PELI2: variants seen among roughly 807,000 people sequenced by gnomAD.
The protein encoded by PELI2 is E3 ubiquitin-protein ligase pellino homolog 2.
PELI2 carries 23 observed loss-of-function variants against 42.3 expected under a neutral mutation model. The ratio of observed to expected loss-of-function variants is 0.54; its 90% CI spans 0.39 to 0.77. The LOEUF (loss-of-function observed/expected upper bound fraction) is 0.77, where lower values mean the gene tolerates loss of function less well. PELI2 is among the 30% of genes least tolerant of loss of function. The probability of loss-of-function intolerance (pLI) is 0.00; values close to 1 mark genes in which losing one functional copy is unlikely to be tolerated. For synonymous variants in PELI2, 245 were observed against 212.2 expected, an observed-to-expected ratio of 1.15 and a Z score of -1.34; for missense variants, 463 against 553.2, an observed-to-expected ratio of 0.84 and a Z score of 1.64.
intron 1 of PELI2, among the ~76,000 whole-genome samples, chr14:56,137,474 T>C (rs1883726123): frequency 6.6e-6 from 1 of 152,244 alleles, no homozygotes; most frequent in South Asian, 2.1e-4. Flanking sequence ...GACGGTACTC[T>C]GACCCTGGTT....
At chr14:56,137,841 A>G (rs1353196976) in intron 1 of PELI2, among the ~76,000 whole-genome samples, 1 of 152,226 alleles carries the variant, frequency 6.6e-6, no homozygotes, top group African/African-American at 2.4e-5. Context: ...TGCTTGGATC[A>G]TTCTCGTAGA....
At chr14:56,280,771 C>T (rs1889457874) in intron 3 of PELI2, among the ~76,000 whole-genome samples, 1 of 152,046 alleles carries the variant, frequency 6.6e-6, no homozygotes, top group Non-Finnish European at 1.5e-5. Context: ...ATTTTCACTT[C>T]TTTTTTAAAT....
chr14:56,129,049 G>A (rs1156353886), intron 1 of PELI2, among the ~76,000 whole-genome samples: 1 of 152,140 alleles, frequency 6.6e-6, no homozygotes, highest in South Asian at 2.1e-4. Context: ...CTTTGGAATT[G>A]AAGGGGTGAG....
chr14:56,170,918 G>A (rs1885142725), intron 1 of PELI2, among the ~76,000 whole-genome samples: 1 of 152,182 alleles, frequency 6.6e-6, no homozygotes, highest in African/African-American at 2.4e-5. Flanking sequence ...AAGCCTGAAA[G>A]GCTCTTATGG....
At chr14:56,131,798 A>G (rs1426037699) in intron 1 of PELI2, among the ~76,000 whole-genome samples, 1 of 152,200 alleles carries the variant, frequency 6.6e-6, no homozygotes, top group East Asian at 1.9e-4. Flanking sequence ...TATTACTTAG[A>G]AATCTTGTCC....
At chr14:56,222,882 A>T (rs1887196782) in intron 2 of PELI2, among the ~76,000 whole-genome samples, 1 of 152,206 alleles carries the variant, frequency 6.6e-6, no homozygotes, top group South Asian at 2.1e-4. Flanking sequence ...TGCATGTTGT[A>T]GGTGGGGTAG....
In PELI2 at chr14:56,301,041, A is replaced by G. The variant is rs1325222692; in HGVS notation, c.*3875A>G. The G allele has an allele frequency of 2.0e-5, 3 of 152,368 alleles. No individual in the cohort carries two copies. The highest frequency in any genetic ancestry group is 7.2e-5 in the African/African-American group (3 of 41,460). The allele number at this position is 152,368 out of a possible 1,614,324, so 9.4% of individuals were successfully genotyped here. A position where few individuals can be genotyped will look rare whatever the true frequency, so the allele number is the denominator to read the frequency against. ...ACAGTTTCTAAACAAACAAAAATAAACTCAATGAAAGGAAAGATGTTTCTT... is the reference window on the plus strand; with the variant it reads ...ACAGTTTCTAAACAAACAAAAATAAGCTCAATGAAAGGAAAGATGTTTCTT... On this transcript the variant is annotated 3_prime_UTR_variant, in exon 6 of 6. Transcript: ENST00000267460.
rs541874231 is a variant in PELI2 at position 56,151,230 on chromosome 14, C to A, written c.78-27105C>A. ...CCACGTGGCCTTTGCCTATACCATT[C>A]TCTTATTGCTCCCTCCCTCGGCCCC... On this transcript the variant is annotated intron_variant, in intron 1 of 5. Coordinates refer to ENST00000267460, the MANE Select transcript of PELI2 (RefSeq NM_021255.3). Among the ~76,000 whole-genome samples the A allele has an allele frequency of 1.8e-4, 27 of 152,318 alleles. 1 individual carries two copies. The South Asian group carries it at 5.4e-3, about 30-fold the overall frequency.
chr14:56,187,952 G>A (rs1288835364), intron 2 of PELI2, among the ~76,000 whole-genome samples: 3 of 152,196 alleles, frequency 2.0e-5, no homozygotes, highest in Non-Finnish European at 4.4e-5. Context: ...CTGGCCTGTG[G>A]ACCTTCGCAG....
At chr14:56,190,047 CAA>C (rs1441720986) in intron 2 of PELI2, among the ~76,000 whole-genome samples, 3 of 152,230 alleles carry the variant, frequency 2.0e-5, no homozygotes, top group South Asian at 2.1e-4. Flanking sequence ...GCATTTTGAA[CAA>C]AGAGTTGTGT....
intron 2 of PELI2, among the ~76,000 whole-genome samples, chr14:56,217,624 C>A (rs1237892111): frequency 6.6e-6 from 1 of 152,216 alleles, no homozygotes; most frequent in African/African-American, 2.4e-5. Context: ...ACATTTGATA[C>A]CCTTTCATTC....
At chr14:56,200,242 C>T (rs993923666) in intron 2 of PELI2, among the ~76,000 whole-genome samples, 4 of 152,262 alleles carry the variant, frequency 2.6e-5, no homozygotes, top group Non-Finnish European at 4.4e-5. Flanking sequence ...ATACAGAGTG[C>T]TTATTCTGTG....
intron 2 of PELI2, among the ~76,000 whole-genome samples, chr14:56,204,978 C>T (rs868634616): frequency 4.3e-4 from 63 of 147,190 alleles, no homozygotes; most frequent in Middle Eastern, 3.7e-3. Context: ...TGCAGTGAGC[C>T]GAGACCATGC....
intron 2 of PELI2, among the ~76,000 whole-genome samples, chr14:56,235,218 C>G (rs998202581): frequency 2.0e-5 from 3 of 151,118 alleles, no homozygotes; most frequent in African/African-American, 7.3e-5. Context: ...CTAGAACCAC[C>G]TAAAAAAAAA....
At chr14:56,286,677 C>T (rs1308337521) in intron 3 of PELI2, among the ~76,000 whole-genome samples, 1 of 152,140 alleles carries the variant, frequency 6.6e-6, no homozygotes, top group Non-Finnish European at 1.5e-5. Flanking sequence ...AAAGGGCAGG[C>T]TGCAAGTTTT....
intron 3 of PELI2, among the ~76,000 whole-genome samples, chr14:56,285,048 G>C (rs1889602238): frequency 6.6e-6 from 1 of 152,198 alleles, no homozygotes; most frequent in Non-Finnish European, 1.5e-5. Flanking sequence ...AGCTGTTGGA[G>C]GATTTTAAGC....
Position 56,297,667 on chromosome 14 carries a change from T to C in PELI2, c.*501T>C, listed in dbSNP as rs1264918563. The C allele has an allele frequency of 6.5e-6, 1 of 152,846 alleles. No individual in the cohort carries two copies. Among genetic ancestry groups the C allele is most frequent in the Non-Finnish European group, 1.5e-5 (1 of 68,482 alleles). 9.5% of individuals were successfully genotyped at this position (152,846 alleles called of 1,614,324 possible). ...GAGGGGCGGCTCTGTACAGTGTGAC[T>C]GGTGGACAGATGGCCTTAGGCACAG... is the stretch of plus-strand genomic sequence containing the variant. On this transcript the variant is annotated 3_prime_UTR_variant, in exon 6 of 6. Transcript: ENST00000267460.
At chr14:56,262,147 A>G (rs1266407928) in intron 2 of PELI2, among the ~76,000 whole-genome samples, 1 of 152,222 alleles carries the variant, frequency 6.6e-6, no homozygotes, top group Non-Finnish European at 1.5e-5. Context: ...TGCAATTTAC[A>G]GGCAAAATCC....
chr14:56,161,230 T>C (rs1252288121), intron 1 of PELI2, among the ~76,000 whole-genome samples: 1 of 152,150 alleles, frequency 6.6e-6, no homozygotes, highest in Non-Finnish European at 1.5e-5. Context: ...ATTTATTTCT[T>C]TTTTTCCTGT....
Sources: allele counts gnomAD v4.1 joint callset (sites outside exome capture counted in the v4.1 genomes callset), GRCh38; gene constraint gnomAD v4.1.1; transcripts MANE v1.5; gene names NCBI Gene and HGNC (gene_info 2026-07-23, HGNC 2026-07-21).